The following EPB41L1 variants were observed in gnomAD, a reference collection of about 807,000 sequenced individuals.
EPB41L1 encodes erythrocyte membrane protein band 4.1 like 1.
A neutral mutation model predicts 97.8 loss-of-function variants in EPB41L1; 29 were observed. The ratio of observed to expected loss-of-function variants is 0.30; its 90% CI spans 0.22 to 0.40. The LOEUF is 0.40. Among genes scored for constraint, EPB41L1 ranks in the 10% least tolerant of loss-of-function variants. The pLI is 1.00. For missense variants in EPB41L1, 812 were observed against 1,162.3 expected (o/e 0.70, Z 4.38); for synonymous variants, 383 against 459.2 (o/e 0.83, Z 2.12).
upstream of EPB41L1, among the ~76,000 whole-genome samples, chr20:36,150,211 T>C (rs2059996354): frequency 6.6e-6 from 1 of 152,050 alleles, no homozygotes; most frequent in Non-Finnish European, 1.5e-5. Context: ...GCTGGGATTA[T>C]AGGCACATGC....
chr20:36,209,565 T>C lies in EPB41L1; in HGVS notation c.1746T>C (p.Asp582=), dbSNP rs755196265. ...GGGCCCCAGAGAGTGACACAGGCGA[T>C]GAGGACCAGGACCAGGAGAGGGACA... is the stretch of plus-strand genomic sequence containing the variant. The part of the protein sequence containing the change: ...RPRAPESDTG[D]EDQDQERDTV... The change falls in exon 15 of 22, where the codon GAT becomes GAC. Residue 582 remains aspartate (D), a synonymous_variant. Coordinates refer to ENST00000338074, the MANE Select transcript of EPB41L1 (RefSeq NM_012156.2). The surrounding 1 kb of genome is among the most constrained non-coding windows in gnomAD (Gnocchi z 4.2). 1 of 1,614,030 alleles carries C rather than the reference T, an allele frequency of 6.2e-7. No homozygotes were observed. The highest frequency in any genetic ancestry group is 1.1e-5 in the South Asian group (1 of 91,076).
intron 1 of EPB41L1, chr20:36,155,179 C>A: frequency 2.2e-6 from 1 of 456,896 alleles, no homozygotes; most frequent in Non-Finnish European, 4.4e-6. Context: ...CCGGCTGGCC[C>A]AGTCTCTTTT....
chr20:36,124,780 T>C (rs1308008181), intron 2 of EPB41L1, among the ~76,000 whole-genome samples: 1 of 152,220 alleles, frequency 6.6e-6, no homozygotes, highest in Admixed American at 6.5e-5. Context: ...GATGAATGAA[T>C]GAATGAATTG....
At position 36,174,291 on chromosome 20, in the gene EPB41L1, G is replaced by T. The variant is rs1200269380; in HGVS notation, c.177+337G>T. Among the ~76,000 whole-genome samples, 6 of 150,718 alleles carry T rather than the reference G, an allele frequency of 4.0e-5. No individual in the cohort carries two copies. In the East Asian group the frequency reaches 1.2e-3, roughly 29 times the overall value. On this transcript the variant is annotated intron_variant, in intron 2 of 21. Transcript: ENST00000338074. The stretch of plus-strand genomic sequence containing the variant: ...TTCTTTTTTTTTTTTAATTGAGTTG[G>T]AGTCTCGCCCTGTCACCCAGGCTGG...
chr20:36,110,053 T>G (rs978602531), intron 1 of EPB41L1, among the ~76,000 whole-genome samples: 2 of 151,844 alleles, frequency 1.3e-5, no homozygotes, highest in Non-Finnish European at 2.9e-5. Flanking sequence ...GCGATTCTCC[T>G]GCCTTAGCCT....
rs1478428054 is a variant in EPB41L1, at chr20:36,196,381, G to A, written c.1485+1017G>A. ...ATAACACACCCACGGAGGCAGTGGGGCAGGTTTGTGATGGAAGACGACAAG... is the reference window on the plus strand; with the variant it reads ...ATAACACACCCACGGAGGCAGTGGGACAGGTTTGTGATGGAAGACGACAAG... On this transcript the variant is annotated intron_variant, in intron 13 of 21. Coordinates refer to ENST00000338074, the MANE Select transcript of EPB41L1 (RefSeq NM_012156.2). Among the ~76,000 whole-genome samples the A allele has an allele frequency of 3.9e-5, 6 of 152,344 alleles. No homozygotes were observed. In the East Asian group the frequency reaches 1.2e-3, roughly 29 times the overall value.
chr20:36,202,810 C>CAAAAA, intron 14 of EPB41L1, among the ~76,000 whole-genome samples: 1 of 45,834 alleles, frequency 2.2e-5, no homozygotes, highest in Non-Finnish European at 4.9e-5. Context: ...AACTCCGTCT[C>CAAAAA]AAAAAAAAAA....
rs147507473 is a variant in EPB41L1 at position 36,139,385 on chromosome 20, C to T, written c.-10+26905C>T. On this transcript the variant is annotated intron_variant, in intron 2 of 19. Transcript: ENST00000202028. ...GTTTTATAAGTTCAAGCCAGACTTA[C>T]GGTTTGCATGATAGTCAGTTATCTT... is the stretch of plus-strand genomic sequence containing the variant. Among the ~76,000 whole-genome samples the T allele has an allele frequency of 4.7e-3, 710 of 152,294 alleles. 3 individuals are homozygous for T. The highest frequency in any genetic ancestry group is 0.016 in the African/African-American group (663 of 41,554).
chr20:36,103,969 G>T (rs2058106694), intron 1 of EPB41L1, among the ~76,000 whole-genome samples: 1 of 152,174 alleles, frequency 6.6e-6, no homozygotes, highest in Non-Finnish European at 1.5e-5. Flanking sequence ...CTCCCAAAGT[G>T]CTGGGATTAC....
chr20:36,131,957 C>T (rs918986268), intron 2 of EPB41L1, among the ~76,000 whole-genome samples: 1 of 152,204 alleles, frequency 6.6e-6, no homozygotes, highest in South Asian at 2.1e-4. Context: ...GGGGTGCTTT[C>T]CCCCACAAAG....
At chr20:36,153,850 T>C (rs2060159337), upstream of EPB41L1, among the ~76,000 whole-genome samples, 1 of 152,068 alleles carries the variant, frequency 6.6e-6, no homozygotes, top group Non-Finnish European at 1.5e-5. Flanking sequence ...TTGGACTGGT[T>C]TTTTTAGTGG....
chr20:36,161,665 G>A (rs2060529664), intron 1 of EPB41L1, among the ~76,000 whole-genome samples: 1 of 152,078 alleles, frequency 6.6e-6, no homozygotes, highest in African/African-American at 2.4e-5. Flanking sequence ...AGTAGAGACA[G>A]GTTATCACTG....
intron 1 of EPB41L1, among the ~76,000 whole-genome samples, chr20:36,103,353 C>T (rs1161566500): frequency 6.6e-6 from 1 of 152,206 alleles, no homozygotes; most frequent in Non-Finnish European, 1.5e-5. Context: ...GGCCTCTTTA[C>T]AGCCCCTATG....
chr20:36,109,843 A>C (rs988155453), intron 1 of EPB41L1: 1 of 152,142 alleles, frequency 6.6e-6, no homozygotes, highest in Non-Finnish European at 1.5e-5. Context: ...TAATGCCACC[A>C]TTCGAGGTTG....
Position 36,167,478 on chromosome 20 carries a change from G to A in EPB41L1, c.-14-6286G>A, listed in dbSNP as rs144026002. Among the ~76,000 whole-genome samples the A allele has an allele frequency of 7.9e-3, 1,201 of 152,118 alleles. 27 individuals carry two copies. Among genetic ancestry groups the A allele is most frequent in the African/African-American group, 0.027 (1,133 of 41,488 alleles). Reference sequence around the variant, plus strand: ...TCCCAGCACTTTAGGAGGCTGAGGCGGGCGGATTGCCTGAGCTCAGGAGTT... The same window carrying A: ...TCCCAGCACTTTAGGAGGCTGAGGCAGGCGGATTGCCTGAGCTCAGGAGTT... On this transcript the variant is annotated intron_variant, in intron 1 of 21. Coordinates refer to ENST00000338074, the MANE Select transcript of EPB41L1 (RefSeq NM_012156.2).
Position 36,206,510 on chromosome 20 carries a change from TC to T in EPB41L1, c.1669-2976del, listed in dbSNP as rs1175720226. 1 of 1,289,396 alleles carries T rather than the reference TC, an allele frequency of 7.8e-7. No individual in the cohort carries two copies. Among genetic ancestry groups the T allele is most frequent in the East Asian group, 5.6e-5 (1 of 18,010 alleles). The allele number at this position is 1,289,396 out of a possible 1,614,324, so 79.9% of individuals were successfully genotyped here. A position where few individuals can be genotyped will look rare whatever the true frequency, so the allele number is the denominator to read the frequency against. On this transcript the variant is annotated intron_variant, in intron 14 of 21. Transcript: ENST00000338074. The surrounding 1 kb of genome is among the most constrained non-coding windows in gnomAD (Gnocchi z 5.5). ...GAAGAAAAAGACTCAGAAGACCAAG[TC>T]CTCCCTCCACCCCTGGAGGAGAGAA...
chr20:36,115,422 A>G (rs2058553891), intron 2 of EPB41L1, among the ~76,000 whole-genome samples: 1 of 152,336 alleles, frequency 6.6e-6, no homozygotes, highest in South Asian at 2.1e-4. Context: ...TGCAGTGCAC[A>G]TGTCTACCTC....
rs2063008473 is a variant in EPB41L1, at chr20:36,209,457, T to TC, written c.1669-27dup. On this transcript the variant is annotated intron_variant, in intron 14 of 21. Coordinates refer to ENST00000338074, the MANE Select transcript of EPB41L1 (RefSeq NM_012156.2). The surrounding 1 kb of genome is among the most constrained non-coding windows in gnomAD (Gnocchi z 4.2). Reference sequence around the variant, plus strand: ...TTTCTCTCTCTCTCCCCACCCCACATCCCCATTCTTTTGATTTTATCTGGC... The same window carrying TC: ...TTTCTCTCTCTCTCCCCACCCCACATCCCCCATTCTTTTGATTTTATCTGGC... The TC allele has an allele frequency of 1.9e-6, 3 of 1,609,976 alleles. No individual in the cohort carries two copies. The highest frequency in any genetic ancestry group is 2.5e-6 in the Non-Finnish European group (3 of 1,177,156).
At chr20:36,140,249 T>G (rs1054937203) in intron 2 of EPB41L1, among the ~76,000 whole-genome samples, 3 of 150,816 alleles carry the variant, frequency 2.0e-5, no homozygotes, top group Non-Finnish European at 4.4e-5. Flanking sequence ...TTTTTTTTTT[T>G]TAGTAGGGAT....
Sources: allele counts gnomAD v4.1 joint callset (sites outside exome capture counted in the v4.1 genomes callset), GRCh38; gene constraint gnomAD v4.1.1; non-coding constraint Gnocchi (gnomAD v3.1); transcripts MANE v1.5; gene names NCBI Gene and HGNC (gene_info 2026-07-23, HGNC 2026-07-21).